MPC1: variants seen among roughly 807,000 people sequenced by gnomAD.
MPC1 encodes the protein mitochondrial pyruvate carrier 1.
In MPC1, 6 loss-of-function variants were observed where a neutral mutation model predicts 13.9. The ratio of observed to expected loss-of-function variants is 0.43; its 90% confidence interval spans 0.24 to 0.85. The LOEUF (loss-of-function observed/expected upper bound fraction) is 0.85, where lower values mean the gene tolerates loss of function less well. Among genes scored for constraint, MPC1 ranks in the 40% least tolerant of loss-of-function variants. MPC1 has a pLI of 0.24. For synonymous variants in MPC1, 47 were observed against 50.5 expected (o/e 0.93, Z 0.29); for missense variants, 115 against 143.3 (o/e 0.80, Z 1.01).
chr6:166,370,170 T>G (rs1355702975), intron 2 of MPC1, 48 bp downstream of exon 2: 1 of 780,940 alleles, frequency 1.3e-6, no homozygotes, highest in Non-Finnish European at 2.4e-6. Context: ...ACTCTGTTAA[T>G]GCAGAAAGTC....
At chr6:166,373,980 G>C (rs919834239) in intron 1 of MPC1, among the ~76,000 whole-genome samples, 2 of 151,932 alleles carry the variant, frequency 1.3e-5, no homozygotes, top group Non-Finnish European at 2.9e-5. Context: ...TTGTTTTTGT[G>C]GGTTTTGTTG....
At chr6:166,372,559 G>C (rs2114959867) in intron 1 of MPC1, among the ~76,000 whole-genome samples, 1 of 152,270 alleles carries the variant, frequency 6.6e-6, no homozygotes, top group Admixed American at 6.5e-5. Context: ...AAAACAATCT[G>C]AGAGTAAAGT....
At chr6:166,367,240 T>G in intron 2 of MPC1, 1 of 1,032,302 alleles carries the variant, frequency 9.7e-7, no homozygotes, top group Non-Finnish European at 1.2e-6. Context: ...AATCCATTGT[T>G]GCTATAATTC....
At chr6:166,376,176 G>GTATA in intron 1 of MPC1, among the ~76,000 whole-genome samples, 1 of 134,324 alleles carries the variant, frequency 7.4e-6, no homozygotes, top group African/African-American at 2.6e-5. Context: ...GTGTGTGTGT[G>GTATA]TGTATATATA....
chr6:166,366,762 A>G, intron 3 of MPC1, 33 bp downstream of exon 3: 1 of 1,598,894 alleles, frequency 6.3e-7, no homozygotes, highest in Non-Finnish European at 8.6e-7. Context: ...CTATGTTGAA[A>G]GTCCTCCCAA....
chr6:166,381,262 A>G (rs1474629213), intron 1 of MPC1, among the ~76,000 whole-genome samples: 1 of 152,244 alleles, frequency 6.6e-6, no homozygotes. Flanking sequence ...GTTCTATTTA[A>G]GCATAGAAAT....
intron 1 of MPC1, among the ~76,000 whole-genome samples, chr6:166,375,941 T>C (rs760698064): frequency 6.6e-6 from 1 of 152,216 alleles, no homozygotes; most frequent in Non-Finnish European, 1.5e-5. Context: ...TCCGTACTGA[T>C]TTTCTACCTG....
In MPC1 at chr6:166,365,409, T is replaced by C; in HGVS notation, c.*20A>G. 7 of 1,564,448 alleles carry C rather than the reference T, an allele frequency of 4.5e-6. No individual in the cohort carries two copies. The highest frequency in any genetic ancestry group is 6.1e-6 in the Non-Finnish European group (7 of 1,153,514). On this transcript the variant is annotated 3_prime_UTR_variant, in exon 5 of 5. Transcript: ENST00000360961. This position sits in a 1 kb window ranked among gnomAD's most constrained non-coding sequence, Gnocchi z 4.2. ...CTGGCAATGCTGTCCCTTCAAGACCTTGTTCTTCCTTTTCCATTGTTATGC... is the reference window on the plus strand; with the variant it reads ...CTGGCAATGCTGTCCCTTCAAGACCCTGTTCTTCCTTTTCCATTGTTATGC...
chr6:166,371,861 A>T (rs1399765949), intron 1 of MPC1, among the ~76,000 whole-genome samples: 2 of 152,178 alleles, frequency 1.3e-5, no homozygotes, highest in African/African-American at 4.8e-5. Flanking sequence ...CTGATATAAA[A>T]ATTTTGAGAA....
chr6:166,380,568 A>G (rs115605079), intron 1 of MPC1, among the ~76,000 whole-genome samples: 1,983 of 152,348 alleles, frequency 0.013, 49 homozygotes, highest in African/African-American at 0.044. Flanking sequence ...AAACCCATTT[A>G]GTAGAAGAAA....
At chr6:166,377,183 G>A (rs1779600737) in intron 1 of MPC1, among the ~76,000 whole-genome samples, 1 of 142,746 alleles carries the variant, frequency 7.0e-6, no homozygotes, top group Non-Finnish European at 1.5e-5. Flanking sequence ...CGCTCTGTTA[G>A]CCAGGCTGGA....
intron 1 of MPC1, among the ~76,000 whole-genome samples, chr6:166,378,642 T>C (rs554657729): frequency 6.6e-6 from 1 of 152,300 alleles, no homozygotes; most frequent in South Asian, 2.1e-4. Context: ...AAGAGCTCTC[T>C]TTTTCTATTC....
At chr6:166,377,305 G>A (rs759120194) in intron 1 of MPC1, among the ~76,000 whole-genome samples, 20 of 152,104 alleles carry the variant, frequency 1.3e-4, no homozygotes, top group Non-Finnish European at 1.3e-4. Context: ...TGCTCATGTA[G>A]GAGGAGCTGC....
rs1195714124 is a variant in MPC1 at position 166,374,277 on chromosome 6, G to GC, written c.72-4057dup. ...CAAAGTGCTGGGATTACAGGAGTGAGCCACCGCGCCTGGCCTTATTGTTAA... is the reference window on the plus strand; with the variant it reads ...CAAAGTGCTGGGATTACAGGAGTGAGCCCACCGCGCCTGGCCTTATTGTTAA... On this transcript the variant is annotated intron_variant, in intron 1 of 4. Transcript: ENST00000360961. Among the ~76,000 whole-genome samples, 4 of 152,226 alleles carry GC rather than the reference G, an allele frequency of 2.6e-5. No individual in the cohort carries two copies. In the South Asian group the frequency reaches 6.2e-4, roughly 24 times the overall value.
At chr6:166,375,133 C>A (rs114965118) in intron 1 of MPC1, among the ~76,000 whole-genome samples, 1 of 152,156 alleles carries the variant, frequency 6.6e-6, no homozygotes, top group East Asian at 1.9e-4. Flanking sequence ...CACTGCAATA[C>A]CACAACAATG....
At chr6:166,373,872 G>C (rs1779474326) in intron 1 of MPC1, among the ~76,000 whole-genome samples, 1 of 81,630 alleles carries the variant, frequency 1.2e-5, no homozygotes, top group Non-Finnish European at 3.1e-5. Context: ...TTCTGGCAGA[G>C]CTTCTTTTCA....
intron 2 of MPC1, among the ~76,000 whole-genome samples, chr6:166,368,557 G>GAAAAAAAAAAAAAAA (rs11370568): frequency 8.7e-6 from 1 of 114,292 alleles, no homozygotes; most frequent in African/African-American, 3.4e-5. Context: ...CCGTCTCAGG[G>GAAAAAAAAAAAAAAA]AAAAAAAAAA....
intron 1 of MPC1, among the ~76,000 whole-genome samples, chr6:166,379,833 A>G (rs1454422832): frequency 6.6e-6 from 1 of 152,254 alleles, no homozygotes; most frequent in East Asian, 1.9e-4. Flanking sequence ...TTTGCTAAAG[A>G]AAAGCCGGGC....
At chr6:166,378,495 T>C (rs1779653098) in intron 1 of MPC1, among the ~76,000 whole-genome samples, 1 of 152,124 alleles carries the variant, frequency 6.6e-6, no homozygotes, top group Non-Finnish European at 1.5e-5. Context: ...AATAAGTCGC[T>C]AGAATAAAGC....
Sources: allele counts gnomAD v4.1 joint callset (sites outside exome capture counted in the v4.1 genomes callset), GRCh38; gene constraint gnomAD v4.1.1; non-coding constraint Gnocchi (gnomAD v3.1); transcripts MANE v1.5; gene names NCBI Gene and HGNC (gene_info 2026-07-23, HGNC 2026-07-21).